Variants in DMD observed in about 807,000 individuals in gnomAD.
The protein encoded by DMD is dystrophin.
Under a neutral mutation model 330.1 loss-of-function variants are expected in DMD, and 63 were observed. The ratio of observed to expected loss-of-function variants is 0.19; its 90% CI spans 0.16 to 0.24. DMD has a LOEUF of 0.24. DMD is among the 10% of genes least tolerant of loss of function. The probability of loss-of-function intolerance (pLI) is 1.00; values close to 1 mark genes in which losing one functional copy is unlikely to be tolerated. For synonymous variants in DMD, 1,223 were observed against 959.8 expected (o/e 1.27, Z -5.07); for missense variants, 3,344 against 2,684.1 (o/e 1.25, Z -5.43).
intron 7 of DMD, among the ~76,000 whole-genome samples, chrX:32,710,627 C>T (rs1322951874): frequency 9.0e-6 from 1 of 110,500 alleles, no homozygotes; most frequent in Non-Finnish European, 1.9e-5. Context: ...AAAATAGCAC[C>T]GTGCTTTACA....
chrX:32,255,955 C>T, intron 43 of DMD, among the ~76,000 whole-genome samples: 1 of 111,739 alleles, frequency 8.9e-6, no homozygotes, highest in Non-Finnish European at 1.9e-5. Context: ...AATCATTTGT[C>T]CTCCAAAAGC....
At chrX:32,018,406 C>T (rs539437166) in intron 44 of DMD, among the ~76,000 whole-genome samples, 2 of 111,306 alleles carry the variant, frequency 1.8e-5, no homozygotes, top group South Asian at 7.7e-4. Context: ...ATATACCACC[C>T]GTGTTCTTTG....
chrX:31,553,630 A>T (rs1389416366), intron 55 of DMD, among the ~76,000 whole-genome samples: 1 of 112,498 alleles, frequency 8.9e-6, no homozygotes, highest in Non-Finnish European at 1.9e-5. Context: ...TAAGCACTTC[A>T]GTGTGTTAAC....
At position 32,870,984 on chromosome X, in the gene DMD, AAAAAC is replaced by A. The variant is rs1156347075; in HGVS notation, c.94-21169_94-21165del. ...AAAAAAAAAAAAAAAAAAAAAAAAA[AAAAAC>A]CACAAAACCCATCATCAGAATGAAC... On this transcript the variant is annotated intron_variant, in intron 2 of 78. Transcript: ENST00000357033. Among the ~76,000 whole-genome samples, 10 of 47,247 alleles carry A rather than the reference AAAAAC, an allele frequency of 2.1e-4. 1 individual carries two copies. Among genetic ancestry groups the A allele is most frequent in the South Asian group, 8.2e-4 (1 of 1,222 alleles). The allele number at this position is 47,247 out of a possible 115,157, so 41.0% of individuals were successfully genotyped here.
intron 6 of DMD, among the ~76,000 whole-genome samples, chrX:32,815,479 A>C (rs2077661213): frequency 1.1e-5 from 1 of 88,124 alleles, no homozygotes; most frequent in Non-Finnish European, 2.2e-5. Flanking sequence ...TCTCTCTCAA[A>C]TACACACACA....
At chrX:31,482,937 C>T (rs755912967) in intron 57 of DMD, among the ~76,000 whole-genome samples, 354 of 109,546 alleles carry the variant, frequency 3.2e-3, no homozygotes, top group Non-Finnish European at 5.8e-3. Context: ...ATTGGACAGT[C>T]TCAGGAAAAC....
At chrX:32,394,031 T>C (rs750298153) in intron 30 of DMD, among the ~76,000 whole-genome samples, 16 of 112,019 alleles carry the variant, frequency 1.4e-4, no homozygotes, top group Non-Finnish European at 2.4e-4. Flanking sequence ...TTTTGCAGAC[T>C]TTTGTCTCCA....
chrX:33,058,206 G>A (rs574948216), intron 1 of DMD, among the ~76,000 whole-genome samples: 3 of 111,519 alleles, frequency 2.7e-5, no homozygotes, highest in Admixed American at 9.5e-5. Flanking sequence ...TTCTAATTCT[G>A]AGGGACACAA....
intron 55 of DMD, among the ~76,000 whole-genome samples, chrX:31,554,014 T>C (rs1303386759): frequency 8.9e-6 from 1 of 112,586 alleles, no homozygotes; most frequent in Non-Finnish European, 1.9e-5. Context: ...CACTTCTTCA[T>C]TGTTGAAATT....
At chrX:33,162,634 C>G (rs916853256) in intron 1 of DMD, among the ~76,000 whole-genome samples, 9 of 111,354 alleles carry the variant, frequency 8.1e-5, no homozygotes, top group Non-Finnish European at 1.7e-4. Flanking sequence ...CAAATAGAAT[C>G]AGAAAACACA....
intron 1 of DMD, among the ~76,000 whole-genome samples, chrX:33,293,222 C>T (rs953046221): frequency 9.0e-6 from 1 of 111,433 alleles, no homozygotes; most frequent in Non-Finnish European, 1.9e-5. Flanking sequence ...AGTACCTTGG[C>T]TATAGCAGGT....
intron 34 of DMD, among the ~76,000 whole-genome samples, chrX:32,370,699 A>T (rs1267235692): frequency 9.0e-6 from 1 of 110,715 alleles, no homozygotes; most frequent in East Asian, 2.8e-4. Context: ...AAAAAAAAAG[A>T]TACGTAATTT....
chrX:32,939,288 G>A (rs1259217728), intron 2 of DMD, among the ~76,000 whole-genome samples: 2 of 107,672 alleles, frequency 1.9e-5, no homozygotes, highest in East Asian at 5.7e-4. Context: ...ATATATTTGA[G>A]ATATATATAT....
At chrX:32,044,655 A>C (rs111693015) in intron 44 of DMD, among the ~76,000 whole-genome samples, 13,803 of 109,908 alleles carry the variant, frequency 0.13, 689 homozygotes, top group Admixed American at 0.18. Flanking sequence ...ATCTCCTGAC[A>C]TCATGATCCG....
chrX:33,051,181 C>A (rs939762681), intron 1 of DMD, among the ~76,000 whole-genome samples: 2 of 106,733 alleles, frequency 1.9e-5, no homozygotes, highest in Admixed American at 1.0e-4. Flanking sequence ...TAGCAGATAT[C>A]TTTGGATCTT....
At chrX:32,312,467 G>T (rs1035704127) in intron 41 of DMD, among the ~76,000 whole-genome samples, 21 of 111,045 alleles carry the variant, frequency 1.9e-4, no homozygotes, top group African/African-American at 6.2e-4. Flanking sequence ...AAGAAACTTA[G>T]CTGTATGGTC....
At chrX:32,433,983 A>G (rs1196916214) in intron 29 of DMD, among the ~76,000 whole-genome samples, 1 of 111,899 alleles carries the variant, frequency 8.9e-6, no homozygotes, top group Non-Finnish European at 1.9e-5. Flanking sequence ...ATAGTGCTAT[A>G]TGATTATCAA....
At chrX:31,775,667 T>C (rs756749046) in intron 50 of DMD, among the ~76,000 whole-genome samples, 65 of 111,474 alleles carry the variant, frequency 5.8e-4, no homozygotes, top group Admixed American at 1.8e-3. Flanking sequence ...GGACAACCAG[T>C]GAACGATTCT....
At chrX:31,737,939 C>A (rs2086995450) in intron 51 of DMD, among the ~76,000 whole-genome samples, 1 of 111,312 alleles carries the variant, frequency 9.0e-6, no homozygotes, top group South Asian at 3.8e-4. Flanking sequence ...GAATTCTTTA[C>A]AAATAATGGC....
Sources: allele counts gnomAD v4.1 joint callset (sites outside exome capture counted in the v4.1 genomes callset), GRCh38; gene constraint gnomAD v4.1.1; transcripts MANE v1.5; gene names NCBI Gene and HGNC (gene_info 2026-07-23, HGNC 2026-07-21).